Variants in KIF13A observed in about 807,000 individuals in gnomAD.
KIF13A encodes kinesin family member 13A, also known as kinesin-like protein KIF13A.
Under a neutral mutation model 212.2 loss-of-function variants are expected in KIF13A, and 79 were observed. The ratio of observed to expected loss-of-function variants is 0.37; its 90% CI spans 0.31 to 0.45. The LOEUF (loss-of-function observed/expected upper bound fraction) is 0.45, where lower values mean the gene tolerates loss of function less well. Among genes scored for constraint, KIF13A ranks in the 20% least tolerant of loss-of-function variants. KIF13A has a pLI of 1.00. For missense variants in KIF13A, 1,901 were observed against 2,209.0 expected (o/e 0.86, Z 2.79); for synonymous variants, 789 against 808.6 (o/e 0.98, Z 0.41).
intron 2 of KIF13A, among the ~76,000 whole-genome samples, chr6:17,983,213 A>T (rs1291851515): frequency 6.6e-6 from 1 of 151,650 alleles, no homozygotes; most frequent in Non-Finnish European, 1.5e-5. Context: ...GATATTTCTT[A>T]AAAAATATAT....
Position 17,794,447 on chromosome 6 carries a change from C to T in KIF13A, c.3076-52G>A, listed in dbSNP as rs551029767. ...TGCCAGGAATGATAATGAAAAGGAA[C>T]GGGATAAAGAAGGGGAAAAGGATTA... On this transcript the variant is annotated intron_variant, in intron 24 of 38. Transcript: ENST00000259711. This position sits in a 1 kb window ranked among gnomAD's most constrained non-coding sequence, Gnocchi z 4.1. 47 of 1,580,380 alleles carry T rather than the reference C, an allele frequency of 3.0e-5. 1 individual carries two copies. The South Asian group carries it at 4.0e-4, about 13-fold the overall frequency.
chr6:17,924,943 A>T (rs1420894208), intron 2 of KIF13A, among the ~76,000 whole-genome samples: 3 of 152,228 alleles, frequency 2.0e-5, no homozygotes, highest in Non-Finnish European at 4.4e-5. Context: ...ACACCATATG[A>T]TGGGCAATAT....
chr6:17,835,574 T>C lies in KIF13A; in HGVS notation c.1155+1304A>G, dbSNP rs181006480. Among the ~76,000 whole-genome samples, 5 of 152,270 alleles carry C rather than the reference T, an allele frequency of 3.3e-5. No homozygotes were observed. In the East Asian group the frequency reaches 9.6e-4, roughly 29 times the overall value. On this transcript the variant is annotated intron_variant, in intron 11 of 38. Transcript: ENST00000259711. ...AGAACTTACTATGTGCAAGGTATTGTGGTAAGTGCTTTCTAGTATCAATGT... is the reference window on the plus strand; with the variant it reads ...AGAACTTACTATGTGCAAGGTATTGCGGTAAGTGCTTTCTAGTATCAATGT...
intron 2 of KIF13A, among the ~76,000 whole-genome samples, chr6:17,957,867 C>G (rs16880094): frequency 3.3e-5 from 5 of 152,168 alleles, no homozygotes; most frequent in Admixed American, 6.5e-5. Context: ...CATGGCCAGA[C>G]AGAGTTGTTT....
chr6:17,955,426 A>T (rs576229381), intron 2 of KIF13A, among the ~76,000 whole-genome samples: 5 of 152,224 alleles, frequency 3.3e-5, no homozygotes, highest in Non-Finnish European at 7.3e-5. Context: ...CTTCATGTAG[A>T]CTTTTGCCAC....
chr6:17,819,997 TA>T (rs1764295046), intron 16 of KIF13A, among the ~76,000 whole-genome samples: 1 of 151,888 alleles, frequency 6.6e-6, no homozygotes, highest in Non-Finnish European at 1.5e-5. Flanking sequence ...AAAACTGCAT[TA>T]TAGGGTTTTT....
rs912496255 is a variant in KIF13A, at chr6:17,888,396, T to A, written c.159+9772A>T. ...AGGTCTGCTGCATTTGACTGGGTAA[T>A]GAAACAAGCAAAAGCCTTAGGAAGT... On this transcript the variant is annotated intron_variant, in intron 3 of 38. Transcript: ENST00000259711. This position sits in a 1 kb window ranked among gnomAD's most constrained non-coding sequence, Gnocchi z 4.8. Among the ~76,000 whole-genome samples the A allele has an allele frequency of 2.6e-5, 4 of 152,080 alleles. No homozygotes were observed. Among genetic ancestry groups the A allele is most frequent in the African/African-American group, 9.7e-5 (4 of 41,408 alleles).
chr6:17,784,954 C>A (rs1309255220), intron 28 of KIF13A, among the ~76,000 whole-genome samples: 1 of 152,084 alleles, frequency 6.6e-6, no homozygotes, highest in Non-Finnish European at 1.5e-5. Context: ...ACTATCTGGG[C>A]ATGTACATTC....
chr6:17,853,122 C>T (rs1767818798), intron 6 of KIF13A, among the ~76,000 whole-genome samples: 2 of 152,184 alleles, frequency 1.3e-5, no homozygotes, highest in African/African-American at 4.8e-5. Context: ...TCACTGAATG[C>T]ATCCCAAAGT....
intron 17 of KIF13A, among the ~76,000 whole-genome samples, chr6:17,810,174 A>T (rs1221467158): frequency 6.6e-6 from 1 of 152,160 alleles, no homozygotes; most frequent in Non-Finnish European, 1.5e-5. Flanking sequence ...AAGCCTATTG[A>T]TTCTTCCTTT....
Position 17,777,569 on chromosome 6 carries a change from A to C in KIF13A, c.4093-215T>G, listed in dbSNP as rs541955882. On this transcript the variant is annotated intron_variant, in intron 33 of 38. Transcript: ENST00000259711. The surrounding 1 kb of genome is among the most constrained non-coding windows in gnomAD (Gnocchi z 4.4). ...CTAATTTTTTTTTGTATTTTAGTAGAGACGGGGTTTCACCATGTTGCCCAG... is the reference window on the plus strand; with the variant it reads ...CTAATTTTTTTTTGTATTTTAGTAGCGACGGGGTTTCACCATGTTGCCCAG... 2.6e-5 allele frequency among the ~76,000 whole-genome samples: 4 copies of C among 152,070 alleles called. No individual in the cohort carries two copies. The East Asian group carries it at 7.8e-4, about 30-fold the overall frequency.
chr6:17,821,126 G>A (rs1764393938), intron 16 of KIF13A, among the ~76,000 whole-genome samples: 1 of 152,136 alleles, frequency 6.6e-6, no homozygotes, highest in African/African-American at 2.4e-5. Flanking sequence ...TTCCCAAAGT[G>A]CTGGGATTAC....
In KIF13A at chr6:17,872,796, T is replaced by C. The variant is rs1303476866; in HGVS notation, c.220+581A>G. Among the ~76,000 whole-genome samples, 1 of 151,934 alleles carries C rather than the reference T, an allele frequency of 6.6e-6. No homozygotes were observed. Among genetic ancestry groups the C allele is most frequent in the Non-Finnish European group, 1.5e-5 (1 of 67,970 alleles). ...GATTACAGGCGCCCACCACCACACC[T>C]GAATAAGTTTTGTATGTTTAGTAGA... On this transcript the variant is annotated intron_variant, in intron 4 of 38. Coordinates refer to ENST00000259711, the MANE Select transcript of KIF13A (RefSeq NM_022113.6). The surrounding 1 kb of genome is among the most constrained non-coding windows in gnomAD (Gnocchi z 4.7).
intron 2 of KIF13A, among the ~76,000 whole-genome samples, chr6:17,927,007 G>A (rs1416332968): frequency 1.3e-5 from 2 of 151,994 alleles, no homozygotes; most frequent in African/African-American, 2.4e-5. Context: ...GTGTGGTGGT[G>A]CATGTGACTG....
chr6:17,791,677 G>A (rs1043136754), intron 25 of KIF13A, among the ~76,000 whole-genome samples: 1 of 152,032 alleles, frequency 6.6e-6, no homozygotes, highest in African/African-American at 2.4e-5. Context: ...CAGGCAGGCG[G>A]ATCATTTGAG....
chr6:17,909,211 C>T (rs1773804057), intron 2 of KIF13A, among the ~76,000 whole-genome samples: 1 of 152,164 alleles, frequency 6.6e-6, no homozygotes, highest in Non-Finnish European at 1.5e-5. Flanking sequence ...AATGACAGAA[C>T]TTATAAAACA....
Position 17,779,607 on chromosome 6 carries a change from T to C in KIF13A, c.3924A>G (p.Val1308=), listed in dbSNP as rs770807179. ...TATATTTTACCTTTGGTATATTGGATACTATTTCATAGGTTACACCACAGG... is the reference window on the plus strand; with the variant it reads ...TATATTTTACCTTTGGTATATTGGACACTATTTCATAGGTTACACCACAGG... ...FYSCGVTYEI[V]SNIPKATEEI... Residue 1308 remains valine, a synonymous_variant, in exon 32 of 39, where the codon GTA becomes GTG. Transcript: ENST00000259711. 18 of 1,420,852 alleles carry C rather than the reference T, an allele frequency of 1.3e-5. No homozygotes were observed. The East Asian group carries it at 3.5e-4, about 27-fold the overall frequency. 88.0% of individuals were successfully genotyped at this position (1,420,852 alleles called of 1,614,324 possible).
Position 17,987,072 on chromosome 6 carries a change from T to C in KIF13A, c.128A>G (p.Asn43Ser). The C allele has an allele frequency of 6.2e-7, 1 of 1,613,238 alleles. No homozygotes were observed. The highest frequency in any genetic ancestry group is 8.5e-7 in the Non-Finnish European group (1 of 1,179,228). ...GCTTTACCTTTCTCCCTGTTTGGTG[T>C]TAGAAGGAGGAGGGTGCAGGACCGT... ...NQTVLHPPPS[N>S]TKQGERKPPK... The change falls in exon 2 of 39, where the codon AAC (asparagine) becomes AGC (serine). Residue 43 changes from asparagine to serine, a missense_variant. Physicochemically the swap from Asn to Ser is conservative, Grantham distance 46. Coordinates refer to ENST00000259711, the MANE Select transcript of KIF13A (RefSeq NM_022113.6). The surrounding 1 kb of genome is among the most constrained non-coding windows in gnomAD (Gnocchi z 7.7).
chr6:17,876,881 C>T (rs1209650823), intron 3 of KIF13A, among the ~76,000 whole-genome samples: 4 of 152,132 alleles, frequency 2.6e-5, no homozygotes, highest in Admixed American at 6.6e-5. Flanking sequence ...GCAATCCTCC[C>T]ACCTTGGCTT....
Sources: gnomAD v4.1 joint callset for allele counts (sites outside exome capture counted in the v4.1 genomes callset) on GRCh38, gnomAD v4.1.1 for gene constraint, Gnocchi (gnomAD v3.1) non-coding constraint, MANE v1.5 for transcripts, NCBI Gene and HGNC (gene_info 2026-07-23, HGNC 2026-07-21) for gene names.